GALNT17: variants seen among roughly 807,000 people sequenced by gnomAD.
GALNT17 encodes the protein polypeptide N-acetylgalactosaminyltransferase 17, also known as UDP-GalNAc:polypeptide N-acetylgalactosaminyltransferase-like 3.
GALNT17 carries 29 observed loss-of-function variants against 63.7 expected under a neutral mutation model. That is an observed-to-expected ratio of 0.46 (90% confidence interval 0.34 to 0.62). The LOEUF (loss-of-function observed/expected upper bound fraction) is 0.62, where lower values mean the gene tolerates loss of function less well. Ranked by LOEUF, GALNT17 falls within the 20% of genes least tolerant of loss-of-function variation. GALNT17 has a pLI of 0.01. For synonymous variants in GALNT17, 305 were observed against 318.3 expected, an observed-to-expected ratio of 0.96 and a Z score of 0.45; for missense variants, 603 against 799.6, an observed-to-expected ratio of 0.75 and a Z score of 2.97.
intron 1 of GALNT17, among the ~76,000 whole-genome samples, chr7:71,143,712 T>C (rs1238539261): frequency 2.6e-5 from 4 of 151,940 alleles, no homozygotes; most frequent in Non-Finnish European, 1.5e-5. Context: ...TTGCGGCTTA[T>C]TGCATCTGGG....
At chr7:71,301,324 A>C (rs1791192491) in intron 1 of GALNT17, among the ~76,000 whole-genome samples, 3 of 147,750 alleles carry the variant, frequency 2.0e-5, no homozygotes, top group African/African-American at 7.4e-5. Flanking sequence ...TTTTTAAAAA[A>C]TATTTTTTAA....
intron 8 of GALNT17, 47 bp downstream of exon 8, chr7:71,670,156 G>A: frequency 6.2e-7 from 1 of 1,610,294 alleles, no homozygotes; most frequent in East Asian, 2.2e-5. Context: ...TGTTCAATAT[G>A]CTGTGGGTTG....
At chr7:71,596,419 T>A (rs911001252) in intron 6 of GALNT17, among the ~76,000 whole-genome samples, 1 of 152,044 alleles carries the variant, frequency 6.6e-6, no homozygotes, top group Non-Finnish European at 1.5e-5. Flanking sequence ...AAAGGTTGAA[T>A]AAACAAGAGA....
intron 1 of GALNT17, among the ~76,000 whole-genome samples, chr7:71,244,519 C>T (rs1228539119): frequency 1.3e-5 from 2 of 152,154 alleles, no homozygotes; most frequent in Non-Finnish European, 2.9e-5. Context: ...CATCCCACTC[C>T]TTTATCCCCA....
chr7:71,344,658 A>G (rs1792059391), intron 2 of GALNT17, among the ~76,000 whole-genome samples: 1 of 152,144 alleles, frequency 6.6e-6, no homozygotes, highest in African/African-American at 2.4e-5. Flanking sequence ...ATGGTTACCA[A>G]CGTTTATTGA....
chr7:71,403,273 C>T (rs754074402), intron 3 of GALNT17, among the ~76,000 whole-genome samples: 7 of 152,198 alleles, frequency 4.6e-5, no homozygotes, highest in Non-Finnish European at 4.4e-5. Context: ...AGCCTTCGCT[C>T]AGTTTCTCCC....
chr7:71,212,086 CA>C (rs1789390129), intron 1 of GALNT17, among the ~76,000 whole-genome samples: 1 of 152,204 alleles, frequency 6.6e-6, no homozygotes, highest in Admixed American at 6.5e-5. Context: ...GAGACCTTCA[CA>C]GCAGCCCCTC....
chr7:71,414,638 G>T (rs1347292092), intron 3 of GALNT17, among the ~76,000 whole-genome samples: 3 of 152,194 alleles, frequency 2.0e-5, no homozygotes, highest in Non-Finnish European at 4.4e-5. Context: ...ATGTAGCCAG[G>T]AGCTGACATC....
At chr7:71,246,807 C>T (rs534618718) in intron 1 of GALNT17, among the ~76,000 whole-genome samples, 10 of 149,246 alleles carry the variant, frequency 6.7e-5, no homozygotes, top group African/African-American at 1.0e-4. Flanking sequence ...CCAGCCTGGG[C>T]GACAGAGCGA....
intron 1 of GALNT17, among the ~76,000 whole-genome samples, chr7:71,195,827 G>A (rs890642422): frequency 2.6e-5 from 4 of 152,066 alleles, no homozygotes; most frequent in African/African-American, 9.7e-5. Flanking sequence ...GGGGTTACAG[G>A]CACCCAGCCG....
Position 71,231,783 on chromosome 7 carries a change from C to T in GALNT17, c.238+98743C>T, listed in dbSNP as rs560705728. 2.1e-4 allele frequency among the ~76,000 whole-genome samples: 31 copies of T among 146,974 alleles called. No individual in the cohort carries two copies. The Middle Eastern group carries it at 0.01, about 49-fold the overall frequency. On this transcript the variant is annotated intron_variant, in intron 1 of 10. Coordinates refer to ENST00000333538, the MANE Select transcript of GALNT17 (RefSeq NM_022479.3). The stretch of plus-strand genomic sequence containing the variant: ...GAGAGAGGGAGAGGGAGAGAGAGAG[C>T]GCTTTCTAGTCTCTTCTTTCTCTTC...
At chr7:71,576,107 T>C (rs1430168194) in intron 6 of GALNT17, among the ~76,000 whole-genome samples, 1 of 152,212 alleles carries the variant, frequency 6.6e-6, no homozygotes, top group East Asian at 1.9e-4. Context: ...TTCTCTAATA[T>C]ATCAGTCCAT....
intron 1 of GALNT17, among the ~76,000 whole-genome samples, chr7:71,133,590 C>G (rs944872254): frequency 6.6e-6 from 1 of 152,122 alleles, no homozygotes; most frequent in Non-Finnish European, 1.5e-5. Flanking sequence ...AGGACTCCTC[C>G]CTTCCTGCCG....
intron 2 of GALNT17, among the ~76,000 whole-genome samples, chr7:71,371,742 A>G (rs937110459): frequency 3.3e-5 from 5 of 152,098 alleles, no homozygotes; most frequent in African/African-American, 1.2e-4. Flanking sequence ...GGTTTTATCT[A>G]TCTGCAGTTG....
chr7:71,572,697 G>A (rs1789468986), intron 6 of GALNT17, among the ~76,000 whole-genome samples: 1 of 152,064 alleles, frequency 6.6e-6, no homozygotes, highest in African/African-American at 2.4e-5. Context: ...CAAATTAAAA[G>A]TCTACAATAC....
chr7:71,437,085 A>G lies in GALNT17; in HGVS notation c.962+15980A>G, dbSNP rs147870435. On this transcript the variant is annotated intron_variant, in intron 5 of 10. Transcript: ENST00000333538. ...ATGACAGAGGTCTTAAGTAAACACC[A>G]CTAGAAGGTAATTACCGTTGCTGAC... is the stretch of plus-strand genomic sequence containing the variant. Among the ~76,000 whole-genome samples the G allele has an allele frequency of 1.2e-3, 190 of 152,280 alleles. No homozygotes were observed. The Middle Eastern group carries it at 0.014, about 11-fold the overall frequency.
At chr7:71,591,513 C>A (rs1420285459) in intron 6 of GALNT17, among the ~76,000 whole-genome samples, 1 of 152,228 alleles carries the variant, frequency 6.6e-6, no homozygotes, top group South Asian at 2.1e-4. Context: ...CAATTTCTTA[C>A]ATTTTCAGAG....
rs1792984165 is a variant in GALNT17, at chr7:71,388,220, T to C, written c.423-15T>C. 5.6e-6 allele frequency: 9 copies of C among 1,610,048 alleles called. No individual in the cohort carries two copies. The highest frequency in any genetic ancestry group is 7.6e-6 in the Non-Finnish European group (9 of 1,177,102). ...CCTTCCTCTGACTCTGCATTTCCGA[T>C]CTCTCCTTCCCCAGGTGTAAGGAGC... On this transcript the variant is annotated splice_polypyrimidine_tract_variant and intron_variant, in intron 2 of 10. Transcript: ENST00000333538.
At chr7:71,303,463 A>G (rs1246618374) in intron 1 of GALNT17, among the ~76,000 whole-genome samples, 6 of 152,112 alleles carry the variant, frequency 3.9e-5, no homozygotes, top group East Asian at 3.8e-4. Context: ...TTTTGAATGA[A>G]TGATCCCTAA....
Sources: gnomAD v4.1 joint callset for allele counts (sites outside exome capture counted in the v4.1 genomes callset) on GRCh38, gnomAD v4.1.1 for gene constraint, MANE v1.5 for transcripts, NCBI Gene and HGNC (gene_info 2026-07-23, HGNC 2026-07-21) for gene names.